The following CLEC16A variants were observed in gnomAD, a reference collection of about 807,000 sequenced individuals.
CLEC16A encodes C-type lectin domain containing 16A, also known as protein CLEC16A.
In CLEC16A, 51 loss-of-function variants were observed where a neutral mutation model predicts 109.5. The observed-to-expected ratio is 0.47, with a 90% CI of 0.37 to 0.59. The LOEUF (loss-of-function observed/expected upper bound fraction) is 0.59, where lower values mean the gene tolerates loss of function less well. CLEC16A is among the 20% of genes least tolerant of loss of function. The pLI, the probability that CLEC16A is intolerant of heterozygous loss-of-function variation, is 0.00. For synonymous variants in CLEC16A, 673 were observed against 564.2 expected, an observed-to-expected ratio of 1.19 and a Z score of -2.73; for missense variants, 1,339 against 1,394.0, an observed-to-expected ratio of 0.96 and a Z score of 0.63.
chr16:11,114,888 G>A (rs2051867761), intron 19 of CLEC16A, among the ~76,000 whole-genome samples: 1 of 152,336 alleles, frequency 6.6e-6, no homozygotes, highest in South Asian at 2.1e-4. Context: ...TCTGAAAAGC[G>A]AGAGCTCCCT....
At chr16:10,999,922 C>T (rs78060409) in intron 10 of CLEC16A, among the ~76,000 whole-genome samples, 1 of 152,174 alleles carries the variant, frequency 6.6e-6, no homozygotes, top group Non-Finnish European at 1.5e-5. Flanking sequence ...CTTCAACCTC[C>T]GCCTCCCAGG....
intron 23 of CLEC16A, among the ~76,000 whole-genome samples, chr16:11,171,457 A>C (rs370334042): frequency 3.3e-5 from 5 of 152,198 alleles, no homozygotes; most frequent in East Asian, 3.8e-4. Context: ...AAGTGTGGTG[A>C]GATCCTCCAG....
chr16:11,125,926 A>AC, intron 21 of CLEC16A, 53 bp from the exon 22 acceptor site: 2 of 244,434 alleles, frequency 8.2e-6, no homozygotes, highest in Non-Finnish European at 1.3e-5. Flanking sequence ...AATTCTCACC[A>AC]CCCCCCTCTA....
At chr16:11,138,135 T>C (rs1246905160) in intron 22 of CLEC16A, among the ~76,000 whole-genome samples, 1 of 152,134 alleles carries the variant, frequency 6.6e-6, no homozygotes, top group Non-Finnish European at 1.5e-5. Flanking sequence ...ATGACAAACA[T>C]GTTGACGAGG....
chr16:11,023,215 C>T (rs2046223018), intron 12 of CLEC16A, among the ~76,000 whole-genome samples: 1 of 150,736 alleles, frequency 6.6e-6, no homozygotes, highest in African/African-American at 2.4e-5. Flanking sequence ...CTAATATCAA[C>T]TCCCAAGCAA....
intron 22 of CLEC16A, chr16:11,126,426 CT>C: frequency 1.4e-6 from 2 of 1,400,960 alleles, no homozygotes; most frequent in Non-Finnish European, 1.9e-6. Context: ...TTGGAAATTT[CT>C]TGGAAACATT....
intron 22 of CLEC16A, among the ~76,000 whole-genome samples, chr16:11,161,059 A>G (rs369006931): frequency 6.6e-6 from 1 of 152,252 alleles, no homozygotes; most frequent in Admixed American, 6.5e-5. Context: ...ACAGCTTACA[A>G]TATCAAGAAC....
chr16:11,140,306 G>A (rs2053764255), intron 22 of CLEC16A, among the ~76,000 whole-genome samples: 3 of 152,216 alleles, frequency 2.0e-5, no homozygotes, highest in Admixed American at 2.0e-4. Context: ...CTGGGTGGCA[G>A]GAAGAGTCAG....
At chr16:11,153,067 C>T (rs193301532) in intron 22 of CLEC16A, among the ~76,000 whole-genome samples, 2 of 152,222 alleles carry the variant, frequency 1.3e-5, no homozygotes, top group East Asian at 3.9e-4. Flanking sequence ...AGTCAATGCA[C>T]ATAGTGATGT....
At chr16:11,139,980 G>C (rs959730047) in intron 22 of CLEC16A, among the ~76,000 whole-genome samples, 3 of 152,210 alleles carry the variant, frequency 2.0e-5, no homozygotes, top group African/African-American at 7.2e-5. Flanking sequence ...TACTTTTATA[G>C]CTGGGGCAAG....
intron 13 of CLEC16A, 31 bp downstream of exon 13, chr16:11,024,952 G>A: frequency 6.8e-7 from 1 of 1,474,872 alleles, no homozygotes; most frequent in Non-Finnish European, 9.4e-7. Context: ...TGACTTCCTT[G>A]CTGGGCCCTG....
In CLEC16A at chr16:10,957,814, C is replaced by T. The variant is rs2042062159; in HGVS notation, c.113C>T (p.Thr38Ile). The T allele has an allele frequency of 6.2e-7, 1 of 1,613,630 alleles. No individual in the cohort carries two copies. Among genetic ancestry groups the T allele is most frequent in the Non-Finnish European group, 8.5e-7 (1 of 1,179,654 alleles). ...TACCACGTTTTGACCAAAAACACCA[C>T]AGTCACAGAACAGAACCGGAACCTG... is the stretch of plus-strand genomic sequence containing the variant. ...YLYHVLTKNT[T>I]VTEQNRNLLV... Residue 38 changes from threonine to isoleucine, a missense_variant, in exon 2 of 24, where the codon ACA becomes ATA. By Grantham distance (89) the Thr-to-Ile change is moderately conservative. This residue lies in a region of CLEC16A where 117 missense variants were observed against 120.2 expected (regional missense o/e 0.97). Transcript: ENST00000409790.
chr16:11,031,469 G>A (rs574697703), intron 13 of CLEC16A, among the ~76,000 whole-genome samples: 31 of 152,314 alleles, frequency 2.0e-4, no homozygotes, highest in Middle Eastern at 3.4e-3. Flanking sequence ...CTGTGTTCCC[G>A]CCTGGGCATC....
At chr16:11,144,105 C>T (rs997694918) in intron 22 of CLEC16A, among the ~76,000 whole-genome samples, 2 of 152,206 alleles carry the variant, frequency 1.3e-5, no homozygotes. Flanking sequence ...TGTCGCTCGG[C>T]ACTTTCTCAG....
intron 19 of CLEC16A, among the ~76,000 whole-genome samples, chr16:11,068,298 T>C (rs1243599222): frequency 6.6e-6 from 1 of 152,234 alleles, no homozygotes; most frequent in Non-Finnish European, 1.5e-5. Flanking sequence ...CCCACAAATG[T>C]AGCTTCATGG....
chr16:11,069,809 G>A (rs1182033577), intron 19 of CLEC16A, among the ~76,000 whole-genome samples: 2 of 150,980 alleles, frequency 1.3e-5, no homozygotes, highest in African/African-American at 2.4e-5. Flanking sequence ...TTTAAAAACA[G>A]TACAGCATAA....
rs182950009 is a variant in CLEC16A at position 11,011,905 on chromosome 16, A to T, written c.1304-8288A>T. ...ACACTGAGAGCCCTGACTCCTAACAACGTCTACTCACTGATTTGCCCAATC... is the reference window on the plus strand; with the variant it reads ...ACACTGAGAGCCCTGACTCCTAACATCGTCTACTCACTGATTTGCCCAATC... On this transcript the variant is annotated intron_variant, in intron 11 of 23. Transcript: ENST00000409790. Among the ~76,000 whole-genome samples, 462 of 152,086 alleles carry T rather than the reference A, an allele frequency of 3.0e-3. 2 individuals are homozygous for T. The highest frequency in any genetic ancestry group is 5.4e-3 in the Non-Finnish European group (368 of 67,988).
chr16:11,032,006 C>T (rs2046768660), intron 13 of CLEC16A, among the ~76,000 whole-genome samples: 1 of 152,198 alleles, frequency 6.6e-6, no homozygotes, highest in Non-Finnish European at 1.5e-5. Flanking sequence ...AGGCCCTTGC[C>T]CAAGAAAGCA....
rs1485196583 is a variant in CLEC16A at position 11,061,547 on chromosome 16, A to C, written c.2116+525A>C. ...GTGCCTCATTGTTCTCATCTGCAGC[A>C]TGAGGCTCAGCTTTAGAGAAGACAA... On this transcript the variant is annotated intron_variant, in intron 19 of 23. Transcript: ENST00000409790. Among the ~76,000 whole-genome samples the C allele has an allele frequency of 2.0e-5, 3 of 152,214 alleles. No individual in the cohort carries two copies. The East Asian group carries it at 5.8e-4, about 29-fold the overall frequency.
Sources: gnomAD v4.1 joint callset for allele counts (sites outside exome capture counted in the v4.1 genomes callset) on GRCh38, gnomAD v4.1.1 for gene constraint, gnomAD v4.1.1 regional missense constraint, MANE v1.5 for transcripts, NCBI Gene and HGNC (gene_info 2026-07-23, HGNC 2026-07-21) for gene names.